The following FAM83F variants were observed in gnomAD, a reference collection of about 807,000 sequenced individuals.
FAM83F encodes scaffolding CK1 anchoring protein F.
In FAM83F, 45 loss-of-function variants were observed where a neutral mutation model predicts 42.9. The observed-to-expected ratio is 1.05, with a 90% confidence interval of 0.83 to 1.35. The LOEUF (loss-of-function observed/expected upper bound fraction) is 1.35, where lower values mean the gene tolerates loss of function less well. FAM83F is among the 40% of genes most tolerant of loss of function. The pLI is 0.00. For synonymous variants in FAM83F, 306 were observed against 298.3 expected (o/e 1.03, Z -0.27); for missense variants, 617 against 695.9 (o/e 0.89, Z 1.28).
At chr22:40,014,131 CTTTTTTT>C (rs57224519) in intron 1 of FAM83F, among the ~76,000 whole-genome samples, 1 of 116,812 alleles carries the variant, frequency 8.6e-6, no homozygotes, top group African/African-American at 3.3e-5. Flanking sequence ...TATTTCTTTT[CTTTTTTT>C]TTTTTTTTTT....
chr22:40,018,160 G>A (rs749880432), intron 1 of FAM83F, among the ~76,000 whole-genome samples: 12 of 152,192 alleles, frequency 7.9e-5, no homozygotes, highest in Non-Finnish European at 1.5e-4. Context: ...TGAGGATGGC[G>A]TAGGATGGGA....
intron 1 of FAM83F, chr22:39,998,009 G>C (rs74933069): frequency 6.6e-6 from 1 of 152,278 alleles, no homozygotes; most frequent in Non-Finnish European, 1.5e-5. Context: ...CAGAGGTCAC[G>C]TGGGCAGAGG....
At position 39,995,033 on chromosome 22, in the gene FAM83F, C is replaced by G; in HGVS notation, c.-10C>G. 7.9e-7 allele frequency: 1 copy of G among 1,269,912 alleles called. No individual in the cohort carries two copies. Among genetic ancestry groups the G allele is most frequent in the Non-Finnish European group, 9.9e-7 (1 of 1,010,756 alleles). The allele number at this position is 1,269,912 out of a possible 1,614,324, so 78.7% of individuals were successfully genotyped here. A position where few individuals can be genotyped will look rare whatever the true frequency, so the allele number is the denominator to read the frequency against. On this transcript the variant is annotated 5_prime_UTR_variant, in exon 1 of 5. Coordinates refer to ENST00000333407, the MANE Select transcript of FAM83F (RefSeq NM_138435.4). This position sits in a 1 kb window ranked among gnomAD's most constrained non-coding sequence, Gnocchi z 4.6. The stretch of plus-strand genomic sequence containing the variant: ...GCCGGGGCCAGGGCCGGGGCCGGGG[C>G]CGGGGCGCCATGGCCGAGTCCCAGC...
In FAM83F at chr22:39,999,228, C is replaced by G. The variant is rs1350923018; in HGVS notation, c.489+3697C>G. 3 of 152,348 alleles carry G rather than the reference C, an allele frequency of 2.0e-5. No individual in the cohort carries two copies. The East Asian group carries it at 5.8e-4, about 29-fold the overall frequency. The allele number at this position is 152,348 out of a possible 1,614,324, so 9.4% of individuals were successfully genotyped here. On this transcript the variant is annotated intron_variant, in intron 1 of 4. Transcript: ENST00000333407. ...AGCCCCTAAACCGGGTTAGGGAAGG[C>G]CCTTTGATGCCGAGGACCTGTCTAC... is the stretch of plus-strand genomic sequence containing the variant.
chr22:40,014,469 A>T (rs2067483915), intron 1 of FAM83F, among the ~76,000 whole-genome samples: 1 of 152,114 alleles, frequency 6.6e-6, no homozygotes, highest in Non-Finnish European at 1.5e-5. Flanking sequence ...ATGCTGAGTC[A>T]CCCTTAACAT....
In FAM83F at chr22:40,023,413, C is replaced by T. The variant is rs1462834959; in HGVS notation, c.1453+1450C>T. ...TTGGAGGAAGGGTTGCCATGGTGAA[C>T]ACCTGGCAAGGGAGCGAGGGGAAGA... On this transcript the variant is annotated intron_variant, in intron 4 of 4. Coordinates refer to ENST00000333407, the MANE Select transcript of FAM83F (RefSeq NM_138435.4). This position sits in a 1 kb window ranked among gnomAD's most constrained non-coding sequence, Gnocchi z 4.1. 1.3e-5 allele frequency among the ~76,000 whole-genome samples: 2 copies of T among 152,062 alleles called. No individual in the cohort carries two copies. The highest frequency in any genetic ancestry group is 3.9e-4 in the East Asian group (2 of 5,174).
At position 40,035,202 on chromosome 22, in the gene FAM83F, A is replaced by AAGCAGCTTTAGG. The variant is rs1394853053; in HGVS notation, c.*5643_*5654dup. 1 of 152,216 alleles carries AAGCAGCTTTAGG rather than the reference A, an allele frequency of 6.6e-6. No homozygotes were observed. The highest frequency in any genetic ancestry group is 6.5e-5 in the Admixed American group (1 of 15,282). 9.4% of individuals were successfully genotyped at this position (152,216 alleles called of 1,614,324 possible). ...TAGGGCATTGCCTGCAGCCACTGAA[A>AAGCAGCTTTAGG]AGCAGCTTTAGGAGCAGATGTCCAC... On this transcript the variant is annotated 3_prime_UTR_variant, in exon 5 of 5. Coordinates refer to ENST00000333407, the MANE Select transcript of FAM83F (RefSeq NM_138435.4).
At chr22:40,000,585 G>A (rs1162841655) in intron 1 of FAM83F, among the ~76,000 whole-genome samples, 1 of 151,854 alleles carries the variant, frequency 6.6e-6, no homozygotes, top group East Asian at 1.9e-4. Context: ...TGGACATTGA[G>A]ATGCTGCAAT....
chr22:40,004,393 A>G (rs914637860), intron 1 of FAM83F, among the ~76,000 whole-genome samples: 1 of 151,594 alleles, frequency 6.6e-6, no homozygotes, highest in Non-Finnish European at 1.5e-5. Context: ...ACCTCTGCCT[A>G]CTGGGTTCAA....
chr22:40,012,136 C>G, intron 1 of FAM83F, among the ~76,000 whole-genome samples: 1 of 149,018 alleles, frequency 6.7e-6, no homozygotes, highest in Non-Finnish European at 1.5e-5. Flanking sequence ...TTCATCTCTT[C>G]TTTTCTTTTT....
rs1316632012 is a variant in FAM83F at position 40,018,575 on chromosome 22, A to C, written c.490-593A>C. Among the ~76,000 whole-genome samples the C allele has an allele frequency of 3.3e-5, 5 of 150,304 alleles. No individual in the cohort carries two copies. The East Asian group carries it at 9.7e-4, about 29-fold the overall frequency. ...TGCCTCAGCCTCCCCAGTAGCTGGC[A>C]TTACAGGTGCCTGCCACCACGCCTG... On this transcript the variant is annotated intron_variant, in intron 1 of 4. Transcript: ENST00000333407.
At chr22:40,007,477 C>T (rs1417264111) in intron 1 of FAM83F, among the ~76,000 whole-genome samples, 2 of 20,724 alleles carry the variant, frequency 9.7e-5, no homozygotes, top group East Asian at 1.6e-3. Context: ...CTCTCCTCTC[C>T]TCCTCCTCTC....
At chr22:40,024,625 G>A (rs1028758639) in intron 4 of FAM83F, among the ~76,000 whole-genome samples, 1 of 152,206 alleles carries the variant, frequency 6.6e-6, no homozygotes, top group Non-Finnish European at 1.5e-5. Context: ...CTGGGGCTGT[G>A]TTCTCATCTA....
rs973336155 is a variant in FAM83F, at chr22:40,036,699, T to G, written c.*7134T>G. Reference sequence around the variant, plus strand: ...TCTTTGGCTTTCACACTAGTGACTATAGCCTGGTGGGACGGGGTCTAGGGG... The same window carrying G: ...TCTTTGGCTTTCACACTAGTGACTAGAGCCTGGTGGGACGGGGTCTAGGGG... On this transcript the variant is annotated 3_prime_UTR_variant, in exon 5 of 5. Coordinates refer to ENST00000333407, the MANE Select transcript of FAM83F (RefSeq NM_138435.4). 1 of 152,418 alleles carries G rather than the reference T, an allele frequency of 6.6e-6. No homozygotes were observed. The highest frequency in any genetic ancestry group is 2.1e-4 in the South Asian group (1 of 4,832). The allele number at this position is 152,418 out of a possible 1,614,324, so 9.4% of individuals were successfully genotyped here. A position where few individuals can be genotyped will look rare whatever the true frequency, so the allele number is the denominator to read the frequency against.
At chr22:40,008,517 C>T (rs765401957) in intron 1 of FAM83F, among the ~76,000 whole-genome samples, 48 of 152,224 alleles carry the variant, frequency 3.2e-4, no homozygotes, top group Non-Finnish European at 4.9e-4. Context: ...AGATGACTCA[C>T]TCCAAGCCAA....
chr22:40,017,933 C>T lies in FAM83F; in HGVS notation c.490-1235C>T, dbSNP rs568870890. ...CACAGTTAAAACAAAATCTCTCCGA[C>T]CCCAGAGCCGAGGACTTTTCCTCAG... On this transcript the variant is annotated intron_variant, in intron 1 of 4. Transcript: ENST00000333407. Among the ~76,000 whole-genome samples the T allele has an allele frequency of 3.9e-5, 6 of 152,308 alleles. No homozygotes were observed. In the East Asian group the frequency reaches 1.2e-3, roughly 29 times the overall value.
Position 40,039,417 on chromosome 22 carries a change from G to A in FAM83F, c.*9852G>A, listed in dbSNP as rs924594139. ...AACCACTACGCCTGGCCTGGTATGT[G>A]GGTTAAAATGTTAGGTTTTATCATT... On this transcript the variant is annotated 3_prime_UTR_variant, in exon 5 of 5. Coordinates refer to ENST00000333407, the MANE Select transcript of FAM83F (RefSeq NM_138435.4). 2 of 152,122 alleles carry A rather than the reference G, an allele frequency of 1.3e-5. No homozygotes were observed. The highest frequency in any genetic ancestry group is 6.5e-5 in the Admixed American group (1 of 15,274). The allele number at this position is 152,122 out of a possible 1,614,324, so 9.4% of individuals were successfully genotyped here.
rs2067651920 is a variant in FAM83F at position 40,041,859 on chromosome 22, C to T, written c.*12294C>T. On this transcript the variant is annotated 3_prime_UTR_variant, in exon 5 of 5. Coordinates refer to ENST00000333407, the MANE Select transcript of FAM83F (RefSeq NM_138435.4). Reference sequence around the variant, plus strand: ...AAATATTGAGTTAATATTATATTTACTCAATGTTACTTTTTTTTTTTTTGA... The same window carrying T: ...AAATATTGAGTTAATATTATATTTATTCAATGTTACTTTTTTTTTTTTTGA... 1 of 151,882 alleles carries T rather than the reference C, an allele frequency of 6.6e-6. No individual in the cohort carries two copies. The highest frequency in any genetic ancestry group is 1.5e-5 in the Non-Finnish European group (1 of 68,004). 9.4% of individuals were successfully genotyped at this position (151,882 alleles called of 1,614,324 possible).
intron 1 of FAM83F, among the ~76,000 whole-genome samples, chr22:40,002,965 G>GA (rs2067409705): frequency 6.6e-6 from 1 of 152,200 alleles, no homozygotes; most frequent in Non-Finnish European, 1.5e-5. Flanking sequence ...GAGGCTGGGG[G>GA]AGATTCCACC....
Sources: gnomAD v4.1 joint callset for allele counts (sites outside exome capture counted in the v4.1 genomes callset) on GRCh38, gnomAD v4.1.1 for gene constraint, Gnocchi (gnomAD v3.1) non-coding constraint, MANE v1.5 for transcripts, NCBI Gene and HGNC (gene_info 2026-07-23, HGNC 2026-07-21) for gene names.